RAB6A: variants seen among roughly 807,000 people sequenced by gnomAD.
The protein encoded by RAB6A is RAB6A, member RAS oncogene family.
Under a neutral mutation model 32.3 loss-of-function variants are expected in RAB6A, and 8 were observed. The observed-to-expected ratio is 0.25, with a 90% CI of 0.15 to 0.45. The LOEUF (loss-of-function observed/expected upper bound fraction) is 0.45. RAB6A is among the 20% of genes least tolerant of loss of function. RAB6A has a pLI of 1.00. For missense variants in RAB6A, 104 were observed against 249.4 expected (o/e 0.42, Z 3.93); for synonymous variants, 73 against 82.1 (o/e 0.89, Z 0.60).
At chr11:73,687,263 T>C (rs558678253) in intron 6 of RAB6A, among the ~76,000 whole-genome samples, 1 of 152,276 alleles carries the variant, frequency 6.6e-6, no homozygotes, top group South Asian at 2.1e-4. Flanking sequence ...GGGTACAGAA[T>C]GTCAATTTTA....
intron 2 of RAB6A, among the ~76,000 whole-genome samples, chr11:73,721,197 G>C (rs1349173325): frequency 6.6e-6 from 1 of 152,102 alleles, no homozygotes; most frequent in Non-Finnish European, 1.5e-5. Context: ...CAAATAACAA[G>C]ACAATGGCAA....
chr11:73,686,271 T>A (rs60164255), intron 6 of RAB6A, among the ~76,000 whole-genome samples: 21,422 of 152,110 alleles, frequency 0.14, 1,575 homozygotes, highest in Admixed American at 0.16. Context: ...AATACCAGAT[T>A]TAGGCTGGGT....
chr11:73,695,933 T>A (rs1168643051), intron 6 of RAB6A, among the ~76,000 whole-genome samples: 3 of 152,110 alleles, frequency 2.0e-5, no homozygotes, highest in African/African-American at 4.8e-5. Flanking sequence ...GGGCTAAAAA[T>A]TTTTTTAGGG....
intron 1 of RAB6A, chr11:73,759,955 T>G: frequency 1.0e-6 from 1 of 993,180 alleles, no homozygotes; most frequent in Non-Finnish European, 1.4e-6. Flanking sequence ...CATGCTCAAG[T>G]CGTCTCCAAT....
intron 6 of RAB6A, among the ~76,000 whole-genome samples, chr11:73,689,975 T>A (rs1172018675): frequency 1.3e-5 from 2 of 152,122 alleles, no homozygotes; most frequent in African/African-American, 4.8e-5. Context: ...TTAAATATTT[T>A]ACAGTTTGGC....
intron 6 of RAB6A, among the ~76,000 whole-genome samples, chr11:73,698,186 A>G (rs1945684022): frequency 6.6e-6 from 1 of 152,178 alleles, no homozygotes. Flanking sequence ...GTGCCACTGC[A>G]CTCCAGCCTG....
chr11:73,759,039 A>G (rs1449131695), intron 1 of RAB6A, among the ~76,000 whole-genome samples: 2 of 152,218 alleles, frequency 1.3e-5, no homozygotes, highest in Non-Finnish European at 2.9e-5. Flanking sequence ...TTCTAACTGG[A>G]GGCAATTTTG....
intron 2 of RAB6A, among the ~76,000 whole-genome samples, chr11:73,724,721 T>A (rs565865159): frequency 5.3e-5 from 8 of 152,060 alleles, no homozygotes; most frequent in Non-Finnish European, 8.8e-5. Flanking sequence ...CTCCAGACCT[T>A]GTGATCCGCC....
chr11:73,758,922 T>C (rs1431809228), intron 1 of RAB6A, among the ~76,000 whole-genome samples: 1 of 152,166 alleles, frequency 6.6e-6, no homozygotes. Context: ...AGTTTATACT[T>C]ACTTCAGGAA....
At chr11:73,724,785 C>T (rs1433621950) in intron 2 of RAB6A, among the ~76,000 whole-genome samples, 1 of 152,160 alleles carries the variant, frequency 6.6e-6, no homozygotes, top group African/African-American at 2.4e-5. Context: ...TGCGCCTGGC[C>T]TCCTAAATGT....
chr11:73,754,861 C>G (rs937989759), intron 1 of RAB6A, among the ~76,000 whole-genome samples: 1 of 147,958 alleles, frequency 6.8e-6, no homozygotes, highest in Non-Finnish European at 1.5e-5. Flanking sequence ...CTCACTCCAT[C>G]CTGGGCAACA....
At chr11:73,678,095 G>A (rs756352937) in intron 7 of RAB6A, 133 bp from the exon 8 acceptor site, 36 of 889,968 alleles carry the variant, frequency 4.0e-5, no homozygotes, top group Middle Eastern at 6.0e-4. Flanking sequence ...CTACATAGCC[G>A]CCTCACCATA....
At chr11:73,679,546 C>T in intron 7 of RAB6A, 108 bp downstream of exon 7, 1 of 1,358,664 alleles carries the variant, frequency 7.4e-7, no homozygotes, top group Non-Finnish European at 1.0e-6. Context: ...TTTAAGTCAT[C>T]AGTTCCTGGT....
intron 5 of RAB6A, among the ~76,000 whole-genome samples, chr11:73,715,419 C>T (rs1007755049): frequency 6.6e-6 from 1 of 152,170 alleles, no homozygotes; most frequent in Non-Finnish European, 1.5e-5. Flanking sequence ...CCACCGCACC[C>T]GGCCTGTACT....
chr11:73,677,531 G>A lies in RAB6A; in HGVS notation c.*367C>T. On this transcript the variant is annotated 3_prime_UTR_variant, in exon 8 of 8. Coordinates refer to ENST00000336083, the MANE Select transcript of RAB6A (RefSeq NM_198896.2). ...GAGAAAAGCAAGGAGAGATAAAGTA[G>A]GCTGTGAACATACCGCTCGTTAACC... 4.6e-6 allele frequency: 2 copies of A among 435,200 alleles called. No homozygotes were observed. The highest frequency in any genetic ancestry group is 8.4e-6 in the Non-Finnish European group (2 of 237,478). 27.0% of individuals were successfully genotyped at this position (435,200 alleles called of 1,614,324 possible). A position where few individuals can be genotyped will look rare whatever the true frequency, so the allele number is the denominator to read the frequency against.
intron 5 of RAB6A, among the ~76,000 whole-genome samples, chr11:73,714,209 A>AAAAAATAT (rs35864471): frequency 6.3e-4 from 36 of 57,570 alleles, no homozygotes; most frequent in Non-Finnish European, 1.1e-3. Context: ...AAAAAAAAAA[A>AAAAAATAT]ATATATATAT....
chr11:73,711,574 C>T (rs1945958434), intron 5 of RAB6A, among the ~76,000 whole-genome samples: 1 of 152,160 alleles, frequency 6.6e-6, no homozygotes, highest in Non-Finnish European at 1.5e-5. Flanking sequence ...ACAAATAGTG[C>T]TATAGGAAAT....
Position 73,714,205 on chromosome 11 carries a change from A to ATAT in RAB6A, c.401+2045_401+2046insATA, listed in dbSNP as rs1256971210. Among the ~76,000 whole-genome samples, 597 of 62,670 alleles carry ATAT rather than the reference A, an allele frequency of 9.5e-3. 1 individual carries two copies. The highest frequency in any genetic ancestry group is 0.017 in the South Asian group (26 of 1,566). The allele number at this position is 62,670 out of a possible 152,430, so 41.1% of individuals were successfully genotyped here. On this transcript the variant is annotated intron_variant, in intron 5 of 7. Transcript: ENST00000336083. ...AGAACTCCATCTCAAAAAAAAAAAAAAAAAATATATATATATATATATATA... is the reference window on the plus strand; with the variant it reads ...AGAACTCCATCTCAAAAAAAAAAAAATATAAAAATATATATATATATATATATA...
chr11:73,699,851 G>A (rs1167585571), intron 6 of RAB6A, among the ~76,000 whole-genome samples: 1 of 152,196 alleles, frequency 6.6e-6, no homozygotes, highest in African/African-American at 2.4e-5. Flanking sequence ...AGACATGGGA[G>A]ATATAGTGAT....
Sources: gnomAD v4.1 joint callset for allele counts (sites outside exome capture counted in the v4.1 genomes callset) on GRCh38, gnomAD v4.1.1 for gene constraint, MANE v1.5 for transcripts, NCBI Gene and HGNC (gene_info 2026-07-23, HGNC 2026-07-21) for gene names.